The following ZNF408 variants were observed in gnomAD, a reference collection of about 807,000 sequenced individuals.
The protein encoded by ZNF408 is PR domain zinc finger protein 17.
In ZNF408, 24 loss-of-function variants were observed where a neutral mutation model predicts 27.6. The ratio of observed to expected loss-of-function variants is 0.87; its 90% CI spans 0.63 to 1.22. ZNF408 has a LOEUF of 1.22. Among genes scored for constraint, ZNF408 ranks in the 50% most tolerant of loss-of-function variants. The pLI, the probability that ZNF408 is intolerant of heterozygous loss-of-function variation, is 0.00. For missense variants in ZNF408, 897 were observed against 949.0 expected (o/e 0.95, Z 0.72); for synonymous variants, 410 against 396.1 (o/e 1.04, Z -0.42).
Position 46,705,275 on chromosome 11 carries a change from C to T in ZNF408, c.1575C>T (p.Arg525=). The T allele has an allele frequency of 1.9e-6, 3 of 1,612,262 alleles. No individual in the cohort carries two copies. Among genetic ancestry groups the T allele is most frequent in the Non-Finnish European group, 2.5e-6 (3 of 1,179,954 alleles). Residue 525 remains arginine, a synonymous_variant, in exon 5 of 5, where the codon CGC becomes CGT. Coordinates refer to ENST00000311764, the MANE Select transcript of ZNF408 (RefSeq NM_024741.3). The surrounding 1 kb of genome is among the most constrained non-coding windows in gnomAD (Gnocchi z 6.5). Reference sequence around the variant, plus strand: ...TCCACACCGGGGAGCGTCCTTACCGCTGCCCACACTGTGCCGATGCCTTCC... The same window carrying T: ...TCCACACCGGGGAGCGTCCTTACCGTTGCCCACACTGTGCCGATGCCTTCC... ...LRLHTGERPY[R]CPHCADAFPQ...
chr11:46,703,774 T>TG (rs2064729614), intron 4 of ZNF408, among the ~76,000 whole-genome samples: 1 of 141,390 alleles, frequency 7.1e-6, no homozygotes, highest in Non-Finnish European at 1.5e-5. Context: ...GTTGTTGTTT[T>TG]TTTTTTTTTT....
chr11:46,702,872 G>A (rs2064719969), intron 3 of ZNF408, 107 bp downstream of exon 3: 2 of 1,595,174 alleles, frequency 1.3e-6, no homozygotes, highest in Admixed American at 1.7e-5. Flanking sequence ...TGCAGTGAAT[G>A]TTCCAAAGGC....
intron 1 of ZNF408, 43 bp downstream of exon 1, chr11:46,701,142 G>A (rs1169308376): frequency 1.9e-6 from 3 of 1,613,890 alleles, no homozygotes; most frequent in Non-Finnish European, 2.5e-6. Context: ...CTTGGCCCAG[G>A]TGGATCTGAC....
rs747394091 is a variant in ZNF408 at position 46,704,934 on chromosome 11, C to G, written c.1234C>G (p.Pro412Ala). 5.0e-6 allele frequency: 8 copies of G among 1,613,606 alleles called. No homozygotes were observed. Among genetic ancestry groups the G allele is most frequent in the African/African-American group, 1.3e-5 (1 of 75,070 alleles). ...GHRGVRPFPC[P>A]QCDKAYGTQR... ...CCGTGGGGTGCGGCCCTTCCCCTGT[C>G]CACAATGCGACAAGGCCTATGGCAC... Residue 412 changes from proline (P) to alanine (A), a missense_variant, in exon 5 of 5, where the codon CCA becomes GCA. Physicochemically the swap from Pro to Ala is conservative, Grantham distance 27 (BLOSUM62 -1). Transcript: ENST00000311764.
At position 46,703,089 on chromosome 11, in the gene ZNF408, A is replaced by G; in HGVS notation, c.498A>G (p.Glu166=). ...ACCAGCTGGTGCTGCCAGGCTCTGA[A>G]CTGCTGCTGTGGCCCCAGCCTTCCT... ...QVYQLVLPGS[E]LLLWPQPSSE... is the part of the protein sequence containing the mutation. Residue 166 remains glutamate, a synonymous_variant, in exon 4 of 5, where the codon GAA becomes GAG. Transcript: ENST00000311764. The G allele has an allele frequency of 6.2e-7, 1 of 1,613,236 alleles. No homozygotes were observed. Among genetic ancestry groups the G allele is most frequent in the Non-Finnish European group, 8.5e-7 (1 of 1,179,650 alleles).
chr11:46,702,655 C>T (rs1297219221), intron 2 of ZNF408, 49 bp from the exon 3 acceptor site: 2 of 1,580,662 alleles, frequency 1.3e-6, no homozygotes, highest in Non-Finnish European at 1.7e-6. Flanking sequence ...TTTATTCCTA[C>T]CCGACCCCTC....
rs148525399 is a variant in ZNF408 at position 46,702,609 on chromosome 11, A to T, written c.331-95A>T. On this transcript the variant is annotated intron_variant, in intron 2 of 4. Coordinates refer to ENST00000311764, the MANE Select transcript of ZNF408 (RefSeq NM_024741.3). ...TCTAACCTTCCAGGAGTTTCATCTT[A>T]AATTTGTCCCAGGAAAGTTTCATCT... 1,226 of 1,288,288 alleles carry T rather than the reference A, an allele frequency of 9.5e-4. 5 individuals are homozygous for T. In the African/African-American group the frequency reaches 0.016, roughly 17 times the overall value. 79.8% of individuals were successfully genotyped at this position (1,288,288 alleles called of 1,614,324 possible).
chr11:46,704,634 C>G lies in ZNF408; in HGVS notation c.934C>G (p.Pro312Ala). The change falls in exon 5 of 5, where the codon CCC (proline) becomes GCC (alanine). Residue 312 changes from proline to alanine, a missense_variant. Pro to Ala is a conservative substitution (Grantham distance 27, BLOSUM62 -1). Coordinates refer to ENST00000311764, the MANE Select transcript of ZNF408 (RefSeq NM_024741.3). ...CTACCTGGCCAAGAAGTTACACAGC[C>G]CCAGTGATCAGTGCCCACCCAGAGC... ...HGYLAKKLHSPSDQCPPRAKT... is the reference protein window; with the variant it reads ...HGYLAKKLHSASDQCPPRAKT... 1.9e-6 allele frequency: 3 copies of G among 1,613,956 alleles called. No individual in the cohort carries two copies. The highest frequency in any genetic ancestry group is 2.5e-6 in the Non-Finnish European group (3 of 1,180,020).
chr11:46,703,582 G>A (rs190510977), intron 4 of ZNF408, among the ~76,000 whole-genome samples: 1 of 151,920 alleles, frequency 6.6e-6, no homozygotes, highest in African/African-American at 2.4e-5. Flanking sequence ...ATAGATATTT[G>A]CAACTTTTAC....
intron 4 of ZNF408, among the ~76,000 whole-genome samples, chr11:46,703,898 T>A (rs2064730764): frequency 6.6e-6 from 1 of 151,162 alleles, no homozygotes; most frequent in Non-Finnish European, 1.5e-5. Context: ...CTCAGCTAAT[T>A]TTTTTGCATT....
At chr11:46,701,311 C>T (rs1334039647) in intron 1 of ZNF408, 88 bp from the exon 2 acceptor site, 2 of 1,575,934 alleles carry the variant, frequency 1.3e-6, no homozygotes, top group African/African-American at 2.7e-5. Context: ...CTCCGCAGGC[C>T]CACCTGGACC....
At position 46,704,708 on chromosome 11, in the gene ZNF408, G is replaced by A. The variant is rs373715660; in HGVS notation, c.1008G>A (p.Ser336=). ...GAQQSGFPTL[S]RSPPGPAGSS... ...AGCAGTCTGGCTTCCCTACACTCTC[G>A]CGGAGCCCTCCTGGCCCAGCAGGAA... The change falls in exon 5 of 5, where the codon TCG becomes TCA. Residue 336 remains serine (S), a synonymous_variant. Coordinates refer to ENST00000311764, the MANE Select transcript of ZNF408 (RefSeq NM_024741.3). The A allele has an allele frequency of 2.5e-6, 4 of 1,608,650 alleles. No homozygotes were observed. The highest frequency in any genetic ancestry group is 1.1e-5 in the South Asian group (1 of 90,476).
At chr11:46,702,794 T>C in intron 3 of ZNF408, 29 bp downstream of exon 3, 1 of 1,613,242 alleles carries the variant, frequency 6.2e-7, no homozygotes. Flanking sequence ...TGTCGTTCCT[T>C]TGAGGTTTTC....
Position 46,701,592 on chromosome 11 carries a change from G to A in ZNF408, c.246G>A (p.Leu82=), listed in dbSNP as rs781523730. ...GGGTCTGGTGTGTCGGGGACCCCCTGCAGCCCGGCCTGCTGTGGGGGCCGC... is the reference window on the plus strand; with the variant it reads ...GGGTCTGGTGTGTCGGGGACCCCCTACAGCCCGGCCTGCTGTGGGGGCCGC... ...RLGVWCVGDP[L]QPGLLWGPLE... is the part of the protein sequence containing the mutation. The change falls in exon 2 of 5, where the codon CTG becomes CTA. Residue 82 remains leucine, a synonymous_variant. Transcript: ENST00000311764. 10 of 1,611,966 alleles carry A rather than the reference G, an allele frequency of 6.2e-6. No homozygotes were observed. Among genetic ancestry groups the A allele is most frequent in the Non-Finnish European group, 7.6e-6 (9 of 1,179,014 alleles).
At chr11:46,704,239 G>T (rs976600977) in intron 4 of ZNF408, 114 bp from the exon 5 acceptor site, 1 of 1,086,612 alleles carries the variant, frequency 9.2e-7, no homozygotes, top group African/African-American at 1.6e-5. Context: ...TGGTATCATT[G>T]CTCCCTCTAA....
In ZNF408 at chr11:46,705,357, T is replaced by G. The variant is rs1565695852; in HGVS notation, c.1657T>G (p.Cys553Gly). 3 of 1,609,842 alleles carry G rather than the reference T, an allele frequency of 1.9e-6. No individual in the cohort carries two copies. The highest frequency in any genetic ancestry group is 4.5e-5 in the East Asian group (2 of 44,824). ...LISHTGEAHLCPVCGKALRDP... is the reference protein window; with the variant it reads ...LISHTGEAHLGPVCGKALRDP... ...CTCACACACCGGGGAGGCCCACTTG[T>G]GCCCGGTGTGTGGCAAGGCCCTCCG... is the stretch of plus-strand genomic sequence containing the variant. The change falls in exon 5 of 5, where the codon TGC (cysteine) becomes GGC (glycine). Residue 553 changes from cysteine (C) to glycine (G), a missense_variant. Transcript: ENST00000311764. The surrounding 1 kb of genome is among the most constrained non-coding windows in gnomAD (Gnocchi z 6.5).
intron 4 of ZNF408, among the ~76,000 whole-genome samples, chr11:46,703,548 G>A (rs2064726481): frequency 6.6e-6 from 1 of 152,020 alleles, no homozygotes; most frequent in Non-Finnish European, 1.5e-5. Context: ...GAAGAGCGAC[G>A]GGTCTGTTCT....
In ZNF408 at chr11:46,705,472, C is replaced by T. The variant is rs763322327; in HGVS notation, c.1772C>T (p.Ala591Val). Residue 591 changes from alanine (A) to valine (V), a missense_variant, in exon 5 of 5, where the codon GCC (alanine) becomes GTC (valine). Physicochemically the swap from Ala to Val is moderately conservative, Grantham distance 64 (BLOSUM62 0). Transcript: ENST00000311764. The surrounding 1 kb of genome is among the most constrained non-coding windows in gnomAD (Gnocchi z 6.5). ...CPQCGRAYTL[A>V]TKLRRHLKSH... ...CAGTGTGGCCGTGCTTACACGCTGGCCACCAAGCTGCGGCGCCACCTCAAA... is the reference window on the plus strand; with the variant it reads ...CAGTGTGGCCGTGCTTACACGCTGGTCACCAAGCTGCGGCGCCACCTCAAA... 2.5e-6 allele frequency: 4 copies of T among 1,606,824 alleles called. No homozygotes were observed. The Admixed American group carries it at 5.0e-5, about 20-fold the overall frequency.
At position 46,702,746 on chromosome 11, in the gene ZNF408, C is replaced by T; in HGVS notation, c.373C>T (p.Gln125Ter). ...GPWGDVCACEQSSGWTSLVQR... is the reference protein window; with the variant it reads ...GPWGDVCACE ...ATGGGGAGACGTGTGTGCCTGTGAG[C>T]AGAGTTCTGGCTGGACTAGGTAAGT... The change falls in exon 3 of 5, where the codon CAG becomes TAG. Residue 125 changes from glutamine (Q) to a stop codon, truncating the protein, a stop_gained. Coordinates refer to ENST00000311764, the MANE Select transcript of ZNF408 (RefSeq NM_024741.3). LOFTEE classifies it high-confidence loss of function. 6.2e-7 allele frequency: 1 copy of T among 1,614,214 alleles called. No individual in the cohort carries two copies. Among genetic ancestry groups the T allele is most frequent in the Admixed American group, 1.7e-5 (1 of 60,022 alleles).
Sources: allele counts gnomAD v4.1 joint callset (sites outside exome capture counted in the v4.1 genomes callset), GRCh38; gene constraint gnomAD v4.1.1; non-coding constraint Gnocchi (gnomAD v3.1); transcripts MANE v1.5; gene names NCBI Gene and HGNC (gene_info 2026-07-23, HGNC 2026-07-21).